Variants in CFAP44 observed in about 807,000 individuals in gnomAD.
The protein encoded by CFAP44 is cilia- and flagella-associated protein 44.
A neutral mutation model predicts 216.2 loss-of-function variants in CFAP44; 134 were observed. The ratio of observed to expected loss-of-function variants is 0.62; its 90% confidence interval spans 0.54 to 0.72. The LOEUF is 0.72. CFAP44 is among the 30% of genes least tolerant of loss of function. The pLI, the probability that CFAP44 is intolerant of heterozygous loss-of-function variation, is 0.00. For synonymous variants in CFAP44, 700 were observed against 727.6 expected, an observed-to-expected ratio of 0.96 and a Z score of 0.61; for missense variants, 2,035 against 2,182.1, an observed-to-expected ratio of 0.93 and a Z score of 1.34.
At chr3:113,358,991 C>T in intron 21 of CFAP44, 116 bp from the exon 22 acceptor site, 1 of 1,245,108 alleles carries the variant, frequency 8.0e-7, no homozygotes. Context: ...ATATCATAAA[C>T]TCTGTCCATT....
At chr3:113,345,829 TTTC>T (rs1467166301) in intron 22 of CFAP44, among the ~76,000 whole-genome samples, 1 of 152,250 alleles carries the variant, frequency 6.6e-6, no homozygotes, top group Non-Finnish European at 1.5e-5. Flanking sequence ...CTTGTTTGCC[TTTC>T]TTACTATTTT....
intron 15 of CFAP44, among the ~76,000 whole-genome samples, chr3:113,390,849 A>T (rs545289975): frequency 2.6e-5 from 4 of 152,216 alleles, no homozygotes; most frequent in African/African-American, 9.6e-5. Context: ...TTGAAGAGGA[A>T]CAAAAAAAGG....
intron 1 of CFAP44, among the ~76,000 whole-genome samples, chr3:113,439,256 G>C (rs1251769844): frequency 7.1e-6 from 1 of 140,024 alleles, no homozygotes; most frequent in Non-Finnish European, 1.6e-5. Flanking sequence ...CCAGTGTTAA[G>C]AAAGAACCCT....
chr3:113,394,460 C>T (rs923568303), intron 15 of CFAP44, among the ~76,000 whole-genome samples: 1 of 152,312 alleles, frequency 6.6e-6, no homozygotes, highest in East Asian at 1.9e-4. Context: ...GCAGCTATCA[C>T]TCCCCTCACC....
chr3:113,397,432 T>A (rs1934020091), intron 13 of CFAP44: 1 of 152,270 alleles, frequency 6.6e-6, no homozygotes, highest in Non-Finnish European at 1.5e-5. Context: ...AAAGCCTTCA[T>A]CCCAGAGCAG....
rs1189369795 is a variant in CFAP44, at chr3:113,306,321, C to T, written c.4638G>A (p.Val1546=). The stretch of plus-strand genomic sequence containing the variant: ...GGTGAAGGGCCAGCTCAAAAAGAGC[C>T]ACATCACAATCTGCCAAGAGAATTA... ...DDSICPTNCD[V]ALFELALHLR... Residue 1546 remains valine (V), a synonymous_variant, in exon 30 of 35, where the codon GTG becomes GTA. Transcript: ENST00000393845. The T allele has an allele frequency of 2.6e-6, 4 of 1,536,122 alleles. No individual in the cohort carries two copies. In the East Asian group the frequency reaches 7.3e-5, roughly 28 times the overall value.
chr3:113,333,899 A>G (rs1459097366), intron 24 of CFAP44, among the ~76,000 whole-genome samples: 1 of 152,144 alleles, frequency 6.6e-6, no homozygotes. Flanking sequence ...TTCTCTTGAT[A>G]TAAATTAAGC....
chr3:113,326,625 T>G lies in CFAP44; in HGVS notation c.4336A>C (p.Thr1446Pro). 1 of 1,489,882 alleles carries G rather than the reference T, an allele frequency of 6.7e-7. No homozygotes were observed. Among genetic ancestry groups the G allele is most frequent in the African/African-American group, 1.4e-5 (1 of 70,468 alleles). 92.3% of individuals were successfully genotyped at this position (1,489,882 alleles called of 1,614,324 possible). Residue 1446 changes from threonine (T) to proline (P), a missense_variant, in exon 28 of 35, where the codon ACT becomes CCT. By Grantham distance (38) the Thr-to-Pro change is conservative. Coordinates refer to ENST00000393845, the MANE Select transcript of CFAP44 (RefSeq NM_001164496.2). ...TTTTTCTCTTCCATCTCTTTAAGAG[T>G]TTCATTTATTTTCCACTAAATGAAT... ...EQYMQWKINE[T>P]LKEMEEKKNE...
intron 4 of CFAP44, among the ~76,000 whole-genome samples, chr3:113,421,161 T>A (rs7646985): frequency 0.029 from 4,362 of 151,922 alleles, 111 homozygotes; most frequent in East Asian, 0.1. Context: ...AAAAAAATAA[T>A]CCCACTAAAA....
chr3:113,366,836 G>C (rs929158939), intron 18 of CFAP44, among the ~76,000 whole-genome samples: 1 of 152,180 alleles, frequency 6.6e-6, no homozygotes, highest in Non-Finnish European at 1.5e-5. Flanking sequence ...ACTGTACCTG[G>C]AAAAATGGTA....
Position 113,333,574 on chromosome 3 carries a change from A to G in CFAP44, c.3447T>C (p.Ser1149=), listed in dbSNP as rs1246376317. ...RKKEWEELYK[S]KPGDDYEDPK... ...GATCTTCATAGTCATCACCAGGTTTACTCTTGTATCTATTAGAAAAACAGA... is the reference window on the plus strand; with the variant it reads ...GATCTTCATAGTCATCACCAGGTTTGCTCTTGTATCTATTAGAAAAACAGA... Residue 1149 remains serine, a synonymous_variant, in exon 25 of 35, where the codon AGT becomes AGC. Coordinates refer to ENST00000393845, the MANE Select transcript of CFAP44 (RefSeq NM_001164496.2). The G allele has an allele frequency of 7.9e-6, 12 of 1,524,072 alleles. No individual in the cohort carries two copies. The highest frequency in any genetic ancestry group is 2.1e-5 in the Admixed American group (1 of 47,690). The allele number at this position is 1,524,072 out of a possible 1,614,324, so 94.4% of individuals were successfully genotyped here.
At chr3:113,388,160 A>G (rs1201773037) in intron 15 of CFAP44, among the ~76,000 whole-genome samples, 1 of 152,114 alleles carries the variant, frequency 6.6e-6, no homozygotes, top group Non-Finnish European at 1.5e-5. Flanking sequence ...CCACCTGCTG[A>G]CTGTAGAGAC....
intron 18 of CFAP44, 71 bp from the exon 19 acceptor site, chr3:113,366,380 C>T: frequency 6.6e-7 from 1 of 1,522,572 alleles, no homozygotes; most frequent in Non-Finnish European, 8.9e-7. Flanking sequence ...ACTTAATTGA[C>T]AAGTGGCTAA....
chr3:113,400,754 G>A, intron 11 of CFAP44, 110 bp from the exon 12 acceptor site: 1 of 1,016,014 alleles, frequency 9.8e-7, no homozygotes, highest in Non-Finnish European at 1.5e-6. Flanking sequence ...ATTTTATTTG[G>A]ATAGAAATAA....
chr3:113,408,064 T>TA (rs1934337147), intron 7 of CFAP44, among the ~76,000 whole-genome samples: 1 of 152,184 alleles, frequency 6.6e-6, no homozygotes, highest in African/African-American at 2.4e-5. Context: ...AGATTACAAT[T>TA]AAAAATCTGC....
chr3:113,392,346 A>G (rs1051162834), intron 15 of CFAP44, among the ~76,000 whole-genome samples: 11 of 152,066 alleles, frequency 7.2e-5, no homozygotes, highest in African/African-American at 2.7e-4. Flanking sequence ...GCTAACAATT[A>G]AAACAACTGA....
chr3:113,415,273 C>G (rs1458033111), intron 6 of CFAP44, among the ~76,000 whole-genome samples: 1 of 152,002 alleles, frequency 6.6e-6, no homozygotes, highest in Non-Finnish European at 1.5e-5. Context: ...ATTAGTCTAG[C>G]TAGTGGTGTA....
At chr3:113,339,816 C>A (rs1023860160) in intron 24 of CFAP44, among the ~76,000 whole-genome samples, 1 of 152,088 alleles carries the variant, frequency 6.6e-6, no homozygotes, top group Non-Finnish European at 1.5e-5. Flanking sequence ...ACTTTCATAT[C>A]AGAAACAGAG....
intron 11 of CFAP44, among the ~76,000 whole-genome samples, 152 bp downstream of exon 11, chr3:113,401,086 CGA>C (rs1208290481): frequency 2.6e-5 from 4 of 151,958 alleles, no homozygotes; most frequent in African/African-American, 7.3e-5. Flanking sequence ...AAAATCATAA[CGA>C]GAGAGAGAAT....
Sources: gnomAD v4.1 joint callset for allele counts (sites outside exome capture counted in the v4.1 genomes callset) on GRCh38, gnomAD v4.1.1 for gene constraint, MANE v1.5 for transcripts, NCBI Gene and HGNC (gene_info 2026-07-23, HGNC 2026-07-21) for gene names.